The following FNTB variants were observed in gnomAD, a reference collection of about 807,000 sequenced individuals.
The protein encoded by FNTB is protein farnesyltransferase subunit beta.
A neutral mutation model predicts 59.4 loss-of-function variants in FNTB; 27 were observed. The observed-to-expected ratio is 0.45, with a 90% CI of 0.34 to 0.63. The LOEUF is 0.63. Among genes scored for constraint, FNTB ranks in the 20% least tolerant of loss-of-function variants. FNTB has a pLI of 0.02. For synonymous variants in FNTB, 230 were observed against 220.7 expected, an observed-to-expected ratio of 1.04 and a Z score of -0.37; for missense variants, 449 against 559.6, an observed-to-expected ratio of 0.80 and a Z score of 1.99.
chr14:64,986,929 C>G lies in FNTB; in HGVS notation c.-25C>G, dbSNP rs765673443. 1.7e-5 allele frequency: 27 copies of G among 1,613,622 alleles called. No homozygotes were observed. Among genetic ancestry groups the G allele is most frequent in the African/African-American group, 2.7e-5 (2 of 74,956 alleles). On this transcript the variant is annotated 5_prime_UTR_variant, in exon 1 of 12. Coordinates refer to ENST00000246166, the MANE Select transcript of FNTB (RefSeq NM_002028.4). Reference sequence around the variant, plus strand: ...TGTTGCTTAACGAAGCAGAGTCCTACACACTGTCTGCTGCTCTCCTGATCA... The same window carrying G: ...TGTTGCTTAACGAAGCAGAGTCCTAGACACTGTCTGCTGCTCTCCTGATCA...
At chr14:64,996,637 A>G (rs1888406200) in intron 1 of FNTB, among the ~76,000 whole-genome samples, 1 of 152,162 alleles carries the variant, frequency 6.6e-6, no homozygotes, top group Non-Finnish European at 1.5e-5. Flanking sequence ...GTAGGGGATG[A>G]GGTATCACAA....
rs2062017873 is a variant in FNTB, at chr14:65,028,173, A to G, written c.605+392A>G. On this transcript the variant is annotated intron_variant, in intron 6 of 11. Coordinates refer to ENST00000246166, the MANE Select transcript of FNTB (RefSeq NM_002028.4). This position sits in a 1 kb window ranked among gnomAD's most constrained non-coding sequence, Gnocchi z 4.4. Reference sequence around the variant, plus strand: ...AAATACCTTCTGAGTGAATTTGATGAAATCATGAGAATGTCTAATCCCTGA... The same window carrying G: ...AAATACCTTCTGAGTGAATTTGATGGAATCATGAGAATGTCTAATCCCTGA... 6.6e-6 allele frequency among the ~76,000 whole-genome samples: 1 copy of G among 152,206 alleles called. No individual in the cohort carries two copies. Among genetic ancestry groups the G allele is most frequent in the African/African-American group, 2.4e-5 (1 of 41,450 alleles).
At chr14:65,008,035 A>G (rs750071763) in intron 2 of FNTB, among the ~76,000 whole-genome samples, 1 of 152,226 alleles carries the variant, frequency 6.6e-6, no homozygotes. Flanking sequence ...TGTATGTGAT[A>G]CAATTTTAGA....
At position 65,054,736 on chromosome 14, in the gene FNTB, C is replaced by A. The variant is rs368990812; in HGVS notation, c.1182+47C>A. On this transcript the variant is annotated intron_variant, in intron 11 of 11. Coordinates refer to ENST00000246166, the MANE Select transcript of FNTB (RefSeq NM_002028.4). This position sits in a 1 kb window ranked among gnomAD's most constrained non-coding sequence, Gnocchi z 4.4. ...ACACCCCTTCTCCACAGGGACCTCG[C>A]GGACAGAAGGCTTTCCAAGTAAGCA... The A allele has an allele frequency of 6.7e-5, 104 of 1,551,510 alleles. No individual in the cohort carries two copies. The highest frequency in any genetic ancestry group is 1.9e-4 in the South Asian group (16 of 85,114).
chr14:64,994,135 G>A lies in FNTB; in HGVS notation c.144+7038G>A, dbSNP rs140116156. ...CTCCCAAAGTGCTGGGATTACAGGC[G>A]TGAGGTACCATGCCTGGCCTAGTGA... On this transcript the variant is annotated intron_variant, in intron 1 of 11. Coordinates refer to ENST00000246166, the MANE Select transcript of FNTB (RefSeq NM_002028.4). This position sits in a 1 kb window ranked among gnomAD's most constrained non-coding sequence, Gnocchi z 4.2. Among the ~76,000 whole-genome samples the A allele has an allele frequency of 6.6e-3, 1,006 of 152,274 alleles. 12 individuals carry two copies. Among genetic ancestry groups the A allele is most frequent in the African/African-American group, 0.022 (924 of 41,562 alleles).
Position 65,001,607 on chromosome 14 carries a change from A to G in FNTB, c.145-2642A>G, listed in dbSNP as rs532565629. The stretch of plus-strand genomic sequence containing the variant: ...ATATCAAGGACTTGAGCATCCACAG[A>G]TTTTGATATCCTGGGAGATCCTGGA... On this transcript the variant is annotated intron_variant, in intron 1 of 11. Coordinates refer to ENST00000246166, the MANE Select transcript of FNTB (RefSeq NM_002028.4). The surrounding 1 kb of genome is among the most constrained non-coding windows in gnomAD (Gnocchi z 5.5). Among the ~76,000 whole-genome samples the G allele has an allele frequency of 6.6e-6, 1 of 152,316 alleles. No individual in the cohort carries two copies. Among genetic ancestry groups the G allele is most frequent in the South Asian group, 2.1e-4 (1 of 4,830 alleles).
rs1324738013 is a variant in FNTB at position 65,044,227 on chromosome 14, C to G, written c.823-84C>G. 1 of 1,599,014 alleles carries G rather than the reference C, an allele frequency of 6.3e-7. No individual in the cohort carries two copies. The highest frequency in any genetic ancestry group is 1.8e-5 in the Admixed American group (1 of 55,050). On this transcript the variant is annotated intron_variant, in intron 8 of 11. Transcript: ENST00000246166. This position sits in a 1 kb window ranked among gnomAD's most constrained non-coding sequence, Gnocchi z 5.5. ...CCACAAGATGGGAAACCCTCCATCC[C>G]ACAGATTGACTCCTGGAGATTCTGT...
chr14:65,025,982 T>C (rs3825642), intron 4 of FNTB, among the ~76,000 whole-genome samples: 3,729 of 152,344 alleles, frequency 0.024, 131 homozygotes, highest in East Asian at 0.12. Context: ...TTTTGCTTTC[T>C]CTGCCCGGAT....
At chr14:65,010,485 C>T (rs1281715682) in intron 2 of FNTB, among the ~76,000 whole-genome samples, 2 of 152,210 alleles carry the variant, frequency 1.3e-5, no homozygotes, top group South Asian at 2.1e-4. Context: ...CAGCTGATCA[C>T]GGGTCACACA....
chr14:65,009,823 T>A lies in FNTB; in HGVS notation c.210-2494T>A, dbSNP rs2061656373. 6.6e-6 allele frequency among the ~76,000 whole-genome samples: 1 copy of A among 152,198 alleles called. No homozygotes were observed. Among genetic ancestry groups the A allele is most frequent in the Non-Finnish European group, 1.5e-5 (1 of 68,018 alleles). On this transcript the variant is annotated intron_variant, in intron 2 of 11. Coordinates refer to ENST00000246166, the MANE Select transcript of FNTB (RefSeq NM_002028.4). The surrounding 1 kb of genome is among the most constrained non-coding windows in gnomAD (Gnocchi z 4.2). ...GCTCTTCCCTTTGGGAAGAGTTTTC[T>A]GACCCTCCATCTCTTCCCGTGGCTG...
chr14:65,044,688 G>T lies in FNTB; in HGVS notation c.955+245G>T. ...CGACAGAATGAGCTTCCTTGAAATT[G>T]CTACGGGGAGCGGGGAGGAAGTGGG... On this transcript the variant is annotated intron_variant, in intron 9 of 11. Coordinates refer to ENST00000246166, the MANE Select transcript of FNTB (RefSeq NM_002028.4). The surrounding 1 kb of genome is among the most constrained non-coding windows in gnomAD (Gnocchi z 5.5). The T allele has an allele frequency of 1.8e-6, 1 of 570,424 alleles. No homozygotes were observed. Among genetic ancestry groups the T allele is most frequent in the South Asian group, 2.7e-5 (1 of 36,922 alleles). The allele number at this position is 570,424 out of a possible 1,614,324, so 35.3% of individuals were successfully genotyped here.
intron 4 of FNTB, among the ~76,000 whole-genome samples, chr14:65,020,417 G>A (rs2061862467): frequency 6.6e-6 from 1 of 151,958 alleles, no homozygotes; most frequent in African/African-American, 2.4e-5. Flanking sequence ...CCAGTCCATA[G>A]GTAGGACTTC....
intron 7 of FNTB, among the ~76,000 whole-genome samples, chr14:65,036,433 T>A (rs1336477631): frequency 1.4e-5 from 2 of 145,150 alleles, no homozygotes; most frequent in Non-Finnish European, 3.0e-5. Context: ...GACGGGGTTT[T>A]CCCATGTTGC....
intron 4 of FNTB, 122 bp downstream of exon 4, chr14:65,015,838 G>C: frequency 4.3e-6 from 5 of 1,161,302 alleles, no homozygotes; most frequent in Non-Finnish European, 6.2e-6. Context: ...AGAAATCTTT[G>C]CTCTTCTCAT....
chr14:65,061,786 G>A lies in FNTB; in HGVS notation c.*474G>A, dbSNP rs760507264. 6.4e-6 allele frequency: 1 copy of A among 155,770 alleles called. No individual in the cohort carries two copies. Among genetic ancestry groups the A allele is most frequent in the African/African-American group, 2.4e-5 (1 of 41,592 alleles). 9.6% of individuals were successfully genotyped at this position (155,770 alleles called of 1,614,324 possible). A position where few individuals can be genotyped will look rare whatever the true frequency, so the allele number is the denominator to read the frequency against. On this transcript the variant is annotated 3_prime_UTR_variant, in exon 12 of 12. Coordinates refer to ENST00000246166, the MANE Select transcript of FNTB (RefSeq NM_002028.4). The stretch of plus-strand genomic sequence containing the variant: ...ACCAAGATGAGTTCTCTGTAAGACT[G>A]TGGTGGAGTTGCACCAGGAGGTGCC...
intron 7 of FNTB, among the ~76,000 whole-genome samples, chr14:65,035,505 C>CT (rs1181270027): frequency 2.0e-5 from 3 of 151,920 alleles, no homozygotes; most frequent in African/African-American, 7.3e-5. Flanking sequence ...CTCTTCTCTT[C>CT]CTTCTTTCTT....
intron 9 of FNTB, among the ~76,000 whole-genome samples, chr14:65,050,661 A>AT (rs1230437167): frequency 5.3e-5 from 8 of 152,248 alleles, no homozygotes; most frequent in African/African-American, 1.9e-4. Context: ...TGGTAGCTAT[A>AT]TAAAGTCTTT....
In FNTB at chr14:65,049,207, A is replaced by G. The variant is rs117486095; in HGVS notation, c.956-4031A>G. 9.3e-3 allele frequency among the ~76,000 whole-genome samples: 1,406 copies of G among 151,622 alleles called. 26 individuals are homozygous for G. The highest frequency in any genetic ancestry group is 0.021 in the Middle Eastern group (6 of 290). The stretch of plus-strand genomic sequence containing the variant: ...CTTTGTTTTTTTGTTTTGTGGAGCA[A>G]TAAGAAAGCAGCAGGCCTGTGAGTT... On this transcript the variant is annotated intron_variant, in intron 9 of 11. Transcript: ENST00000246166.
intron 1 of FNTB, among the ~76,000 whole-genome samples, chr14:64,996,768 T>TTC (rs762602586): frequency 8.4e-6 from 1 of 119,620 alleles, no homozygotes; most frequent in Non-Finnish European, 1.8e-5. Context: ...GCTAACATCT[T>TTC]TTTTTTTTTT....
Sources: gnomAD v4.1 joint callset for allele counts (sites outside exome capture counted in the v4.1 genomes callset) on GRCh38, gnomAD v4.1.1 for gene constraint, Gnocchi (gnomAD v3.1) non-coding constraint, MANE v1.5 for transcripts, NCBI Gene and HGNC (gene_info 2026-07-23, HGNC 2026-07-21) for gene names.